The following RARB variants were observed in gnomAD, a reference collection of about 807,000 sequenced individuals.
RARB encodes retinoic acid receptor beta.
A neutral mutation model predicts 51.9 loss-of-function variants in RARB; 17 were observed. The observed-to-expected ratio is 0.33, with a 90% CI of 0.22 to 0.49. The LOEUF (loss-of-function observed/expected upper bound fraction) is 0.49, where lower values mean the gene tolerates loss of function less well. Among genes scored for constraint, RARB ranks in the 20% least tolerant of loss-of-function variants. RARB has a pLI of 0.99. For missense variants in RARB, 369 were observed against 550.8 expected (o/e 0.67, Z 3.30); for synonymous variants, 215 against 195.4 (o/e 1.10, Z -0.84).
At chr3:25,506,046 A>G (rs950159900) in intron 3 of RARB, among the ~76,000 whole-genome samples, 12 of 152,154 alleles carry the variant, frequency 7.9e-5, no homozygotes, top group African/African-American at 2.9e-4. Context: ...CAGAAATTCA[A>G]ATGAATAGTT....
At chr3:25,339,288 A>C (rs1403782658) in intron 5 of RARB, among the ~76,000 whole-genome samples, 1 of 152,210 alleles carries the variant, frequency 6.6e-6, no homozygotes, top group African/African-American at 2.4e-5. Flanking sequence ...AAGTATAACA[A>C]CTGGAAGTGT....
At chr3:25,164,017 C>CTACA (rs1225147371) in intron 4 of RARB, among the ~76,000 whole-genome samples, 1 of 152,128 alleles carries the variant, frequency 6.6e-6, no homozygotes. Context: ...AAAGAACAGA[C>CTACA]TACAAGGAGT....
intron 2 of RARB, among the ~76,000 whole-genome samples, chr3:25,030,196 C>T (rs1697842024): frequency 6.6e-6 from 1 of 152,150 alleles, no homozygotes; most frequent in Non-Finnish European, 1.5e-5. Context: ...TTGAGAAAGA[C>T]AGGGGAGAGG....
chr3:24,935,934 G>C (rs1250854699), intron 2 of RARB, among the ~76,000 whole-genome samples: 1 of 152,114 alleles, frequency 6.6e-6, no homozygotes, highest in Non-Finnish European at 1.5e-5. Flanking sequence ...AATTGGCACA[G>C]AGTAGGTAAA....
chr3:25,297,678 GT>G (rs908038859), intron 5 of RARB, among the ~76,000 whole-genome samples: 1 of 151,274 alleles, frequency 6.6e-6, no homozygotes, highest in African/African-American at 2.4e-5. Context: ...TTTTCTTTTT[GT>G]TTTCTCCCCT....
At chr3:24,875,487 G>T (rs1358356704) in intron 2 of RARB, among the ~76,000 whole-genome samples, 1 of 152,064 alleles carries the variant, frequency 6.6e-6, no homozygotes, top group African/African-American at 2.4e-5. Flanking sequence ...TTACCCATAG[G>T]TTTATTATGA....
At chr3:25,306,215 C>G (rs1186843144) in intron 5 of RARB, among the ~76,000 whole-genome samples, 1 of 152,154 alleles carries the variant, frequency 6.6e-6, no homozygotes, top group Non-Finnish European at 1.5e-5. Context: ...GGCAGGCCAG[C>G]TGCCCCCCAG....
chr3:25,231,604 T>A (rs1207752144), intron 5 of RARB, among the ~76,000 whole-genome samples: 2 of 152,188 alleles, frequency 1.3e-5, no homozygotes, highest in African/African-American at 4.8e-5. Context: ...GTAATGACTT[T>A]TATTTTTTAA....
chr3:24,965,974 G>T (rs956454383), intron 2 of RARB, among the ~76,000 whole-genome samples: 2 of 152,110 alleles, frequency 1.3e-5, no homozygotes, highest in African/African-American at 2.4e-5. Context: ...TTTTGTATTA[G>T]AAAAAATATG....
intron 2 of RARB, among the ~76,000 whole-genome samples, chr3:24,918,137 GCA>G (rs1559395686): frequency 3.3e-5 from 5 of 152,176 alleles, no homozygotes; most frequent in African/African-American, 1.2e-4. Context: ...GTTAAAAAAT[GCA>G]AACAATCCAA....
chr3:25,361,796 T>A (rs1484224697), intron 5 of RARB, among the ~76,000 whole-genome samples: 2 of 152,212 alleles, frequency 1.3e-5, no homozygotes, highest in Admixed American at 6.5e-5. Context: ...TTTGCGTGAG[T>A]ATCACCAGTG....
intron 2 of RARB, among the ~76,000 whole-genome samples, chr3:24,960,042 A>G (rs1188580939): frequency 6.6e-6 from 1 of 152,228 alleles, no homozygotes; most frequent in African/African-American, 2.4e-5. Flanking sequence ...AGACTGAACT[A>G]TCAATAAATT....
chr3:25,473,084 A>C (rs1302646132), intron 2 of RARB, among the ~76,000 whole-genome samples: 1 of 152,226 alleles, frequency 6.6e-6, no homozygotes, highest in African/African-American at 2.4e-5. Flanking sequence ...TTATGTCCTG[A>C]AAACCACGCA....
At chr3:25,117,534 G>T (rs1019882179) in intron 3 of RARB, among the ~76,000 whole-genome samples, 1 of 152,132 alleles carries the variant, frequency 6.6e-6, no homozygotes, top group East Asian at 1.9e-4. Flanking sequence ...AGCCAATGTA[G>T]GATTTCAAGC....
At chr3:24,990,537 G>C (rs906212072) in intron 2 of RARB, among the ~76,000 whole-genome samples, 1 of 107,348 alleles carries the variant, frequency 9.3e-6, no homozygotes, top group African/African-American at 3.6e-5. Context: ...TAAATATAAT[G>C]TGAGATATCT....
intron 5 of RARB, among the ~76,000 whole-genome samples, chr3:25,285,975 A>G (rs1703640726): frequency 6.6e-6 from 1 of 150,922 alleles, no homozygotes; most frequent in African/African-American, 2.4e-5. Context: ...AAACCCCATC[A>G]CTTTTTCTGC....
chr3:25,135,168 A>T (rs1700013314), intron 4 of RARB, among the ~76,000 whole-genome samples: 1 of 151,896 alleles, frequency 6.6e-6, no homozygotes, highest in Admixed American at 6.6e-5. Context: ...CGATCCATCG[A>T]TAGAGTAGCC....
chr3:25,385,715 A>G (rs920964337), intron 5 of RARB, among the ~76,000 whole-genome samples: 3 of 152,160 alleles, frequency 2.0e-5, no homozygotes, highest in African/African-American at 7.2e-5. Context: ...TAGGTGATCT[A>G]CATACCAGCC....
intron 3 of RARB, among the ~76,000 whole-genome samples, chr3:25,081,821 T>C (rs1163052148): frequency 6.7e-6 from 1 of 150,106 alleles, no homozygotes; most frequent in Non-Finnish European, 1.5e-5. Context: ...TCAGTAGAGA[T>C]GGGGTTTCAC....
Sources: gnomAD v4.1 joint callset for allele counts (sites outside exome capture counted in the v4.1 genomes callset) on GRCh38, gnomAD v4.1.1 for gene constraint, MANE v1.5 for transcripts, NCBI Gene and HGNC (gene_info 2026-07-23, HGNC 2026-07-21) for gene names.